Variants in NUP54 observed in about 807,000 individuals in gnomAD.
NUP54 encodes nucleoporin p54.
NUP54 carries 27 observed loss-of-function variants against 66.4 expected under a neutral mutation model. The observed-to-expected ratio is 0.41, with a 90% CI of 0.30 to 0.56. NUP54 has a LOEUF of 0.56. NUP54 is among the 20% of genes least tolerant of loss of function. The pLI, the probability that NUP54 is intolerant of heterozygous loss-of-function variation, is 0.34. For missense variants in NUP54, 486 were observed against 596.3 expected, an observed-to-expected ratio of 0.82 and a Z score of 1.93; for synonymous variants, 206 against 210.7, an observed-to-expected ratio of 0.98 and a Z score of 0.19.
chr4:76,136,420 T>C lies in NUP54; in HGVS notation c.296-8A>G, dbSNP rs1446563555. On this transcript the variant is annotated splice_region_variant and splice_polypyrimidine_tract_variant and intron_variant, in intron 3 of 11. Transcript: ENST00000264883. ...TGAAGAGACCACCTAATGCTAAAAA[T>C]GTACCCAAAATTAGTATTTAAAAAC... 2 of 1,602,514 alleles carry C rather than the reference T, an allele frequency of 1.2e-6. No individual in the cohort carries two copies. The highest frequency in any genetic ancestry group is 8.5e-7 in the Non-Finnish European group (1 of 1,172,728).
intron 1 of NUP54, chr4:76,145,918 T>C: frequency 3.6e-6 from 1 of 280,302 alleles, no homozygotes. Context: ...AACTAAATAT[T>C]CTATTTACTT....
intron 9 of NUP54, among the ~76,000 whole-genome samples, chr4:76,123,693 T>C (rs2109862740): frequency 6.6e-6 from 1 of 152,208 alleles, no homozygotes; most frequent in Middle Eastern, 3.4e-3. Flanking sequence ...TTTTGTATTT[T>C]AGTAGAGATG....
intron 1 of NUP54, chr4:76,147,925 G>A (rs1731579774): frequency 1.0e-5 from 3 of 294,040 alleles, no homozygotes; most frequent in Non-Finnish European, 2.0e-5. Context: ...GCCGAGTCCG[G>A]CAGCGGGAAC....
chr4:76,144,089 CAAT>C (rs1386321386), intron 3 of NUP54, 57 bp downstream of exon 3: 10 of 1,551,920 alleles, frequency 6.4e-6, no homozygotes, highest in African/African-American at 1.4e-5. Context: ...TGAATGCACT[CAAT>C]AATGTCAGCT....
intron 9 of NUP54, among the ~76,000 whole-genome samples, chr4:76,119,830 TATAACC>T (rs1246778803): frequency 2.4e-4 from 36 of 152,266 alleles, no homozygotes; most frequent in African/African-American, 8.7e-4. Flanking sequence ...TCCATGCTCC[TATAACC>T]ATATCTTTTT....
intron 5 of NUP54, 36 bp downstream of exon 5, chr4:76,134,139 T>C (rs546392853): frequency 6.9e-6 from 10 of 1,454,694 alleles, no homozygotes; most frequent in Admixed American, 2.0e-5. Context: ...CAGAAATAAA[T>C]ACACAGAAAT....
rs1262109890 is a variant in NUP54 at position 76,146,519 on chromosome 4, TA to T, written c.67+1788del. ...GTTTTCAACTCAGATGCTAGGGTGA[TA>T]ATCACATTGCAGTAACCAGTGAATG... On this transcript the variant is annotated intron_variant, in intron 1 of 11. Coordinates refer to ENST00000264883, the MANE Select transcript of NUP54 (RefSeq NM_017426.4). Among the ~76,000 whole-genome samples the T allele has an allele frequency of 3.3e-5, 5 of 152,242 alleles. No homozygotes were observed. In the East Asian group the frequency reaches 9.6e-4, roughly 29 times the overall value.
chr4:76,144,110 TC>T, intron 3 of NUP54, 38 bp downstream of exon 3: 1 of 1,607,482 alleles, frequency 6.2e-7, no homozygotes, highest in Non-Finnish European at 8.5e-7. Flanking sequence ...GCTAGTATCA[TC>T]ACGGTTTTGT....
chr4:76,120,536 T>G (rs1730188926), intron 9 of NUP54, among the ~76,000 whole-genome samples: 1 of 151,602 alleles, frequency 6.6e-6, no homozygotes, highest in Non-Finnish European at 1.5e-5. Flanking sequence ...TTCAAGCAAT[T>G]CTCTGCCTCA....
chr4:76,142,703 A>G (rs910861729), intron 3 of NUP54, among the ~76,000 whole-genome samples: 2 of 152,258 alleles, frequency 1.3e-5, no homozygotes, highest in African/African-American at 4.8e-5. Flanking sequence ...GGAAGCCATC[A>G]AAGACTAATA....
intron 3 of NUP54, among the ~76,000 whole-genome samples, chr4:76,142,106 C>T (rs943808704): frequency 6.6e-6 from 1 of 152,026 alleles, no homozygotes; most frequent in Non-Finnish European, 1.5e-5. Context: ...TAAAATAGCA[C>T]CAGATTCAAA....
At chr4:76,120,213 C>T (rs955165765) in intron 9 of NUP54, among the ~76,000 whole-genome samples, 6 of 152,046 alleles carry the variant, frequency 3.9e-5, no homozygotes, top group Non-Finnish European at 7.4e-5. Context: ...GTGCATATAT[C>T]TATTTAACTG....
At chr4:76,143,643 A>G (rs1348492458) in intron 3 of NUP54, among the ~76,000 whole-genome samples, 1 of 152,136 alleles carries the variant, frequency 6.6e-6, no homozygotes, top group Non-Finnish European at 1.5e-5. Flanking sequence ...ATAAAAGAGG[A>G]GCCTATGGAG....
intron 6 of NUP54, among the ~76,000 whole-genome samples, chr4:76,132,005 A>G (rs1730824417): frequency 6.6e-6 from 1 of 152,080 alleles, no homozygotes; most frequent in Non-Finnish European, 1.5e-5. Context: ...CTGAAGGTGT[A>G]TATGGAGAAT....
chr4:76,147,745 A>G (rs1478271304), intron 1 of NUP54: 1 of 900,134 alleles, frequency 1.1e-6, no homozygotes, highest in Non-Finnish European at 1.5e-6. Context: ...GTTTCACAGA[A>G]GTGAACAAAC....
chr4:76,147,621 A>T (rs1223531422), intron 1 of NUP54: 2 of 1,289,756 alleles, frequency 1.6e-6, no homozygotes, highest in East Asian at 5.5e-5. Flanking sequence ...TGGAGTTGGC[A>T]GTCTCAAGCC....
At chr4:76,122,768 A>C (rs543923230) in intron 9 of NUP54, among the ~76,000 whole-genome samples, 17 of 152,358 alleles carry the variant, frequency 1.1e-4, no homozygotes, top group African/African-American at 3.8e-4. Context: ...TTTAATAGCA[A>C]TATTATTCAT....
chr4:76,130,531 T>C (rs1228907359), intron 8 of NUP54, 125 bp downstream of exon 8: 4 of 606,794 alleles, frequency 6.6e-6, no homozygotes, highest in Non-Finnish European at 1.2e-5. Context: ...AACTATTAAA[T>C]TGCAGTGTAT....
intron 3 of NUP54, among the ~76,000 whole-genome samples, chr4:76,139,868 T>A (rs1251304711): frequency 6.6e-6 from 1 of 152,212 alleles, no homozygotes; most frequent in Non-Finnish European, 1.5e-5. Flanking sequence ...CTTCTTTTTT[T>A]CTTTGTTAGC....
Sources: gnomAD v4.1 joint callset for allele counts (sites outside exome capture counted in the v4.1 genomes callset) on GRCh38, gnomAD v4.1.1 for gene constraint, MANE v1.5 for transcripts, NCBI Gene and HGNC (gene_info 2026-07-23, HGNC 2026-07-21) for gene names.